The following ULK4 variants were observed in gnomAD, a reference collection of about 807,000 sequenced individuals.
ULK4 encodes inactive serine/threonine-protein kinase ULK4.
ULK4 carries 133 observed loss-of-function variants against 160.6 expected under a neutral mutation model. The ratio of observed to expected loss-of-function variants is 0.83; its 90% CI spans 0.72 to 0.96. The LOEUF is 0.96. Among genes scored for constraint, ULK4 ranks in the 40% least tolerant of loss-of-function variants. The pLI, the probability that ULK4 is intolerant of heterozygous loss-of-function variation, is 0.00. For missense variants in ULK4, 1,580 were observed against 1,499.5 expected (o/e 1.05, Z -0.89); for synonymous variants, 534 against 539.8 (o/e 0.99, Z 0.15).
rs191723406 is a variant in ULK4 at position 41,794,566 on chromosome 3, C to G, written c.2011-4723G>C. 4.3e-3 allele frequency among the ~76,000 whole-genome samples: 632 copies of G among 145,398 alleles called. 1 individual carries two copies. The highest frequency in any genetic ancestry group is 5.9e-3 in the Non-Finnish European group (395 of 67,218). ...ATCTCAACTACTTAGGAGGCTGAGG[C>G]AGGAGAATCGCTTGAACCCAGGAGG... On this transcript the variant is annotated intron_variant, in intron 20 of 36. Coordinates refer to ENST00000301831, the MANE Select transcript of ULK4 (RefSeq NM_017886.4).
At position 41,643,292 on chromosome 3, in the gene ULK4, C is replaced by G. The variant is rs570917525; in HGVS notation, c.3071+20315G>C. On this transcript the variant is annotated intron_variant, in intron 30 of 36. Transcript: ENST00000301831. ...ATGCCTATGTCCTGAATGGTAATGC[C>G]TAGGTTTTCTTCTACGGTTTTTATG... is the stretch of plus-strand genomic sequence containing the variant. Among the ~76,000 whole-genome samples, 21 of 152,180 alleles carry G rather than the reference C, an allele frequency of 1.4e-4. No individual in the cohort carries two copies. In the East Asian group the frequency reaches 3.9e-3, roughly 28 times the overall value.
intron 11 of ULK4, among the ~76,000 whole-genome samples, chr3:41,910,054 G>A (rs1318754941): frequency 4.6e-5 from 7 of 151,948 alleles, no homozygotes; most frequent in Non-Finnish European, 1.0e-4. Flanking sequence ...CCACCAGCAC[G>A]TCCAGCTAAT....
At chr3:41,371,885 T>C (rs1047016509) in intron 35 of ULK4, among the ~76,000 whole-genome samples, 2 of 152,024 alleles carry the variant, frequency 1.3e-5, no homozygotes, top group Non-Finnish European at 2.9e-5. Context: ...GCAAGGAAGC[T>C]GAGAACCTTG....
chr3:41,734,816 G>C (rs1331157586), intron 22 of ULK4, among the ~76,000 whole-genome samples: 3 of 152,142 alleles, frequency 2.0e-5, no homozygotes, highest in Admixed American at 6.5e-5. Context: ...TTCACAGTCA[G>C]AACCTTCAAA....
At chr3:41,272,343 G>GTTTTT (rs3038324) in intron 35 of ULK4, among the ~76,000 whole-genome samples, 124 of 95,466 alleles carry the variant, frequency 1.3e-3, no homozygotes, top group East Asian at 5.1e-3. Flanking sequence ...AATTTTGAAA[G>GTTTTT]TTTTTTTTTT....
At chr3:41,492,956 T>C (rs1464301514) in intron 32 of ULK4, among the ~76,000 whole-genome samples, 3 of 143,536 alleles carry the variant, frequency 2.1e-5, no homozygotes, top group Non-Finnish European at 4.6e-5. Flanking sequence ...CAAAGAGACT[T>C]AGACTCCCAC....
At chr3:41,933,465 T>C (rs944483875) in intron 4 of ULK4, among the ~76,000 whole-genome samples, 1 of 152,294 alleles carries the variant, frequency 6.6e-6, no homozygotes, top group Admixed American at 6.5e-5. Flanking sequence ...AAACCAAAGG[T>C]TGTGGCTGTG....
At chr3:41,524,767 G>A (rs975324798) in intron 32 of ULK4, among the ~76,000 whole-genome samples, 1 of 151,956 alleles carries the variant, frequency 6.6e-6, no homozygotes, top group South Asian at 2.1e-4. Context: ...GTGAAATCCC[G>A]TCTCTATAAA....
At chr3:41,482,918 A>G (rs2084379412) in intron 32 of ULK4, among the ~76,000 whole-genome samples, 1 of 152,236 alleles carries the variant, frequency 6.6e-6, no homozygotes, top group Admixed American at 6.5e-5. Flanking sequence ...TTTATAAGGT[A>G]CATGAGATAT....
At chr3:41,876,796 C>A in intron 17 of ULK4, among the ~76,000 whole-genome samples, 1 of 152,072 alleles carries the variant, frequency 6.6e-6, no homozygotes, top group East Asian at 1.9e-4. Flanking sequence ...AAACAAAATT[C>A]AAAAGCCGGC....
intron 30 of ULK4, among the ~76,000 whole-genome samples, chr3:41,627,933 G>T (rs2033595926): frequency 6.6e-6 from 1 of 152,162 alleles, no homozygotes; most frequent in African/African-American, 2.4e-5. Flanking sequence ...ATTGTAAAAG[G>T]TCAGTGTGAC....
At chr3:41,736,320 T>C (rs1396656370) in intron 22 of ULK4, among the ~76,000 whole-genome samples, 2 of 151,732 alleles carry the variant, frequency 1.3e-5, no homozygotes, top group Non-Finnish European at 2.9e-5. Flanking sequence ...AGTGTAAAAG[T>C]GTTCCTATTT....
chr3:41,369,087 A>G (rs2081310037), intron 35 of ULK4, among the ~76,000 whole-genome samples: 1 of 152,248 alleles, frequency 6.6e-6, no homozygotes, highest in Non-Finnish European at 1.5e-5. Flanking sequence ...AATGAATACA[A>G]CTAATAATAA....
intron 17 of ULK4, among the ~76,000 whole-genome samples, chr3:41,838,375 G>T (rs566458120): frequency 2.6e-5 from 4 of 152,112 alleles, no homozygotes; most frequent in Non-Finnish European, 5.9e-5. Flanking sequence ...AGGGTAAAGG[G>T]ATGAAAAGGA....
At chr3:41,735,654 T>C (rs892588895) in intron 22 of ULK4, among the ~76,000 whole-genome samples, 59 of 151,390 alleles carry the variant, frequency 3.9e-4, no homozygotes, top group African/African-American at 1.3e-3. Context: ...AACACTACAG[T>C]TTTCTCCTTG....
chr3:41,953,830 T>C (rs1700383862), intron 2 of ULK4, among the ~76,000 whole-genome samples: 1 of 152,062 alleles, frequency 6.6e-6, no homozygotes, highest in African/African-American at 2.4e-5. Context: ...GGCAGACTGC[T>C]TGAGCTCAGG....
At chr3:41,376,710 C>G (rs1417804367) in intron 35 of ULK4, among the ~76,000 whole-genome samples, 10 of 149,564 alleles carry the variant, frequency 6.7e-5, no homozygotes, top group African/African-American at 2.5e-4. Context: ...AACTACTGCT[C>G]AAGGAAATAA....
chr3:41,658,212 T>C (rs989336243), intron 30 of ULK4, among the ~76,000 whole-genome samples: 4 of 152,170 alleles, frequency 2.6e-5, no homozygotes, highest in Admixed American at 2.0e-4. Flanking sequence ...TGGGGAAAAT[T>C]TGGCAACATC....
chr3:41,495,364 T>C (rs979426897), intron 32 of ULK4, among the ~76,000 whole-genome samples: 2 of 152,026 alleles, frequency 1.3e-5, no homozygotes, highest in Non-Finnish European at 2.9e-5. Flanking sequence ...CTGGGAAAAC[T>C]GGCTAGCCAT....
Sources: allele counts gnomAD v4.1 joint callset (sites outside exome capture counted in the v4.1 genomes callset), GRCh38; gene constraint gnomAD v4.1.1; transcripts MANE v1.5; gene names NCBI Gene and HGNC (gene_info 2026-07-23, HGNC 2026-07-21).